Variants in TSPEAR observed in about 807,000 individuals in gnomAD.
The protein encoded by TSPEAR is thrombospondin-type laminin G domain and EAR repeat-containing protein.
In TSPEAR, 69 loss-of-function variants were observed where a neutral mutation model predicts 71.6. The observed-to-expected ratio is 0.96, with a 90% CI of 0.79 to 1.18. The LOEUF is 1.18. Ranked by LOEUF, TSPEAR falls within the 50% of genes most tolerant of loss-of-function variation. The pLI is 0.00. For missense variants in TSPEAR, 971 were observed against 894.9 expected (o/e 1.09, Z -1.09); for synonymous variants, 402 against 387.2 (o/e 1.04, Z -0.45).
At chr21:44,550,769 AGAG>A (rs782122231) in intron 2 of TSPEAR, 1 of 1,614,172 alleles carries the variant, frequency 6.2e-7, no homozygotes, top group South Asian at 1.1e-5. Flanking sequence ...GGAGGGACAC[AGAG>A]GAGGAGGGTC....
chr21:44,695,784 GT>G lies in TSPEAR; in HGVS notation c.82+15648del, dbSNP rs543687195. ...CACCAGGGTTTCATCTCATCACAGG[GT>G]AATGTTTACAACGCAGAGACCAGCA... On this transcript the variant is annotated intron_variant, in intron 1 of 11. Coordinates refer to ENST00000323084, the MANE Select transcript of TSPEAR (RefSeq NM_144991.3). The surrounding 1 kb of genome is among the most constrained non-coding windows in gnomAD (Gnocchi z 4.5). Among the ~76,000 whole-genome samples the G allele has an allele frequency of 2.1e-3, 321 of 152,172 alleles. 2 individuals are homozygous for G. The highest frequency in any genetic ancestry group is 7.2e-3 in the African/African-American group (300 of 41,504).
intron 1 of TSPEAR, among the ~76,000 whole-genome samples, chr21:44,582,354 C>T (rs1979040175): frequency 6.6e-6 from 1 of 152,244 alleles, no homozygotes; most frequent in South Asian, 2.1e-4. Context: ...TCCGTTCTGT[C>T]ACACAGCTCC....
At chr21:44,585,337 A>C (rs1185369985) in intron 1 of TSPEAR, among the ~76,000 whole-genome samples, 1 of 152,056 alleles carries the variant, frequency 6.6e-6, no homozygotes, top group Admixed American at 6.6e-5. Context: ...ACCTGGCACT[A>C]TTCTCTCCTT....
intron 1 of TSPEAR, among the ~76,000 whole-genome samples, chr21:44,605,997 C>T (rs1569215824): frequency 6.6e-6 from 1 of 151,842 alleles, no homozygotes. Flanking sequence ...AGACAATCAA[C>T]AGGATGAAGA....
intron 8 of TSPEAR, among the ~76,000 whole-genome samples, chr21:44,525,019 A>C (rs900241205): frequency 2.1e-4 from 31 of 150,016 alleles, no homozygotes; most frequent in African/African-American, 7.4e-4. Context: ...AGCCAGTCAG[A>C]TAGTTAGTCA....
At position 44,612,700 on chromosome 21, in the gene TSPEAR, C is replaced by A; in HGVS notation, c.83-44695G>T. On this transcript the variant is annotated intron_variant, in intron 1 of 11. Transcript: ENST00000323084. This position sits in a 1 kb window ranked among gnomAD's most constrained non-coding sequence, Gnocchi z 4.1. ...GCTGCCAGCCGGCTTGCTGCACCAC[C>A]TCCTGCTGCAGACCCTCCTCCTCCG... 6.2e-7 allele frequency: 1 copy of A among 1,613,994 alleles called. No individual in the cohort carries two copies. Among genetic ancestry groups the A allele is most frequent in the Non-Finnish European group, 8.5e-7 (1 of 1,179,952 alleles).
At chr21:44,654,610 C>T (rs782482099) in intron 1 of TSPEAR, 4 of 1,556,346 alleles carry the variant, frequency 2.6e-6, no homozygotes, top group Non-Finnish European at 3.5e-6. Context: ...GCTGGTGTGG[C>T]ACATGATGGA....
rs1287123117 is a variant in TSPEAR, at chr21:44,506,518, A to G, written c.1755-1637T>C. Among the ~76,000 whole-genome samples, 1 of 152,214 alleles carries G rather than the reference A, an allele frequency of 6.6e-6. No individual in the cohort carries two copies. Among genetic ancestry groups the G allele is most frequent in the Non-Finnish European group, 1.5e-5 (1 of 68,024 alleles). ...GGGCCTTGGGAGAGGGAGGGATCACAGAGGTGTCCAGTGACAGGCAGGGCG... is the reference window on the plus strand; with the variant it reads ...GGGCCTTGGGAGAGGGAGGGATCACGGAGGTGTCCAGTGACAGGCAGGGCG... On this transcript the variant is annotated intron_variant, in intron 10 of 11. Transcript: ENST00000323084. The surrounding 1 kb of genome is among the most constrained non-coding windows in gnomAD (Gnocchi z 4.2).
intron 1 of TSPEAR, among the ~76,000 whole-genome samples, chr21:44,696,287 G>T (rs1987330403): frequency 6.6e-6 from 1 of 152,164 alleles, no homozygotes; most frequent in Non-Finnish European, 1.5e-5. Context: ...CACAATCTGG[G>T]TTTCTCATTC....
At chr21:44,626,781 C>T (rs985775926) in intron 1 of TSPEAR, among the ~76,000 whole-genome samples, 32 of 152,084 alleles carry the variant, frequency 2.1e-4, no homozygotes, top group African/African-American at 6.8e-4. Context: ...AGTGGCTGGA[C>T]GATGCCCCAG....
chr21:44,679,208 T>G lies in TSPEAR; in HGVS notation c.82+32225A>C, dbSNP rs587626562. 1.8e-4 allele frequency among the ~76,000 whole-genome samples: 27 copies of G among 152,304 alleles called. No homozygotes were observed. In the South Asian group the frequency reaches 5.0e-3, roughly 28 times the overall value. On this transcript the variant is annotated intron_variant, in intron 1 of 11. Coordinates refer to ENST00000323084, the MANE Select transcript of TSPEAR (RefSeq NM_144991.3). The stretch of plus-strand genomic sequence containing the variant: ...ATGTTTCTTTCTGAGAAACTGGATT[T>G]GTCAGCCTCTTTCTGTGGCCTCTCA...
At chr21:44,591,026 G>A (rs1979769308) in intron 1 of TSPEAR, among the ~76,000 whole-genome samples, 2 of 152,086 alleles carry the variant, frequency 1.3e-5, no homozygotes, top group African/African-American at 4.8e-5. Flanking sequence ...CTGGGGGTCA[G>A]GACTCTCCCT....
chr21:44,662,025 A>G (rs1555943754), intron 1 of TSPEAR, among the ~76,000 whole-genome samples: 1 of 152,266 alleles, frequency 6.6e-6, no homozygotes, highest in Non-Finnish European at 1.5e-5. Context: ...AACTAAGAAT[A>G]CTAAACCAAA....
At chr21:44,679,124 C>G (rs1311038553) in intron 1 of TSPEAR, among the ~76,000 whole-genome samples, 2 of 152,124 alleles carry the variant, frequency 1.3e-5, no homozygotes, top group African/African-American at 4.8e-5. Flanking sequence ...AGGGATCCAC[C>G]AGCTTATCTT....
chr21:44,601,329 C>T (rs2020371), intron 1 of TSPEAR: 43 of 1,612,790 alleles, frequency 2.7e-5, no homozygotes, highest in African/African-American at 4.0e-5. Flanking sequence ...GCTGCAAGCC[C>T]GTCTGCTGTG....
chr21:44,679,810 G>A (rs1986494387), intron 1 of TSPEAR, among the ~76,000 whole-genome samples: 1 of 152,192 alleles, frequency 6.6e-6, no homozygotes, highest in Non-Finnish European at 1.5e-5. Flanking sequence ...TCAATAAATG[G>A]TGCTGGGAAA....
At chr21:44,602,019 T>C (rs398680) in intron 1 of TSPEAR, 62,815 of 555,476 alleles carry the variant, frequency 0.11, 6,850 homozygotes, top group African/African-American at 0.41. Context: ...TGGGGAGAAA[T>C]GAGGGTAGAC....
At chr21:44,538,993 GGA>G in intron 2 of TSPEAR, 1 of 544,064 alleles carries the variant, frequency 1.8e-6, no homozygotes, top group Middle Eastern at 4.8e-4. Context: ...AGGTGACCAA[GGA>G]GAGTTTATTG....
intron 3 of TSPEAR, 84 bp downstream of exon 3, chr21:44,533,598 GTGT>G: frequency 1.8e-6 from 2 of 1,122,490 alleles, no homozygotes; most frequent in Non-Finnish European, 2.6e-6. Flanking sequence ...GCTCCTGCAG[GTGT>G]TGCTCGGCGA....
Sources: allele counts gnomAD v4.1 joint callset (sites outside exome capture counted in the v4.1 genomes callset), GRCh38; gene constraint gnomAD v4.1.1; non-coding constraint Gnocchi (gnomAD v3.1); transcripts MANE v1.5; gene names NCBI Gene and HGNC (gene_info 2026-07-23, HGNC 2026-07-21).